Variants in PITPNB observed in about 807,000 individuals in gnomAD.
PITPNB encodes phosphatidylinositol transfer protein beta isoform.
PITPNB carries 16 observed loss-of-function variants against 45.9 expected under a neutral mutation model. The observed-to-expected ratio is 0.35, with a 90% CI of 0.24 to 0.53. The LOEUF is 0.53. PITPNB is among the 20% of genes least tolerant of loss of function. PITPNB has a pLI of 0.93. For missense variants in PITPNB, 188 were observed against 330.5 expected (o/e 0.57, Z 3.34); for synonymous variants, 112 against 108.9 (o/e 1.03, Z -0.18).
chr22:27,900,375 T>C (rs769140047), intron 3 of PITPNB, among the ~76,000 whole-genome samples: 2 of 152,286 alleles, frequency 1.3e-5, no homozygotes, highest in Non-Finnish European at 2.9e-5. Flanking sequence ...TAGAAGGAAA[T>C]TGGCATTTAT....
intron 8 of PITPNB, among the ~76,000 whole-genome samples, chr22:27,871,047 AG>A (rs1491426387): frequency 1.3e-5 from 2 of 151,834 alleles, no homozygotes; most frequent in South Asian, 2.1e-4. Flanking sequence ...TGTTTAACAC[AG>A]GGGGGAAAAT....
At chr22:27,870,765 C>A (rs1934635503) in intron 8 of PITPNB, among the ~76,000 whole-genome samples, 1 of 152,196 alleles carries the variant, frequency 6.6e-6, no homozygotes, top group South Asian at 2.1e-4. Context: ...CTGGTAAGAT[C>A]AAGTCCAAAG....
intron 7 of PITPNB, among the ~76,000 whole-genome samples, chr22:27,875,822 A>G (rs140198032): frequency 6.6e-6 from 1 of 152,320 alleles, no homozygotes; most frequent in East Asian, 1.9e-4. Flanking sequence ...TCTGGCTCCT[A>G]AAGAATCAGT....
At chr22:27,911,206 A>T (rs1935911170) in intron 2 of PITPNB, 97 bp from the exon 3 acceptor site, 2 of 809,832 alleles carry the variant, frequency 2.5e-6, no homozygotes, top group Admixed American at 4.2e-5. Flanking sequence ...ATAGAAAAGC[A>T]TATCCAAACC....
intron 3 of PITPNB, among the ~76,000 whole-genome samples, chr22:27,899,941 G>C (rs939758126): frequency 6.6e-6 from 1 of 152,092 alleles, no homozygotes; most frequent in Non-Finnish European, 1.5e-5. Flanking sequence ...GGTGGCTCAC[G>C]CCTCTAATCC....
intron 3 of PITPNB, among the ~76,000 whole-genome samples, chr22:27,909,414 C>A (rs1485538163): frequency 6.6e-6 from 1 of 151,406 alleles, no homozygotes; most frequent in Non-Finnish European, 1.5e-5. Context: ...GATTAGACTG[C>A]CAAACTTAAG....
intron 3 of PITPNB, chr22:27,898,204 T>A: frequency 3.6e-6 from 1 of 277,144 alleles, no homozygotes; most frequent in East Asian, 9.6e-5. Flanking sequence ...GGTGAAACCC[T>A]GTCTCTACAA....
At chr22:27,877,974 G>A (rs1446178465) in intron 7 of PITPNB, among the ~76,000 whole-genome samples, 2 of 152,170 alleles carry the variant, frequency 1.3e-5, no homozygotes, top group African/African-American at 2.4e-5. Context: ...TGTGGAGAGG[G>A]GGTGTTTTAC....
chr22:27,863,095 T>C (rs1184876416), intron 8 of PITPNB, among the ~76,000 whole-genome samples: 1 of 152,154 alleles, frequency 6.6e-6, no homozygotes, highest in African/African-American at 2.4e-5. Flanking sequence ...TCACTGAAAA[T>C]CCTCATATGC....
chr22:27,919,197 C>G lies in PITPNB; in HGVS notation c.-6G>C. ...AATTCCTTGATCAGCACCATCTTCC[C>G]GGAACCCCCTCACAGCTGCCGCCGA... On this transcript the variant is annotated 5_prime_UTR_variant, in exon 1 of 12. Coordinates refer to ENST00000335272, the MANE Select transcript of PITPNB (RefSeq NM_012399.5). The G allele has an allele frequency of 6.2e-7, 1 of 1,613,406 alleles. No homozygotes were observed. Among genetic ancestry groups the G allele is most frequent in the Non-Finnish European group, 8.5e-7 (1 of 1,179,550 alleles).
chr22:27,911,641 TTA>T (rs956665626), intron 2 of PITPNB, among the ~76,000 whole-genome samples: 5 of 152,274 alleles, frequency 3.3e-5, no homozygotes, highest in Admixed American at 3.3e-4. Flanking sequence ...AGTCCAAATC[TTA>T]GTAGACTTCT....
At chr22:27,865,504 T>A (rs142502222) in intron 8 of PITPNB, among the ~76,000 whole-genome samples, 1 of 152,316 alleles carries the variant, frequency 6.6e-6, no homozygotes, top group African/African-American at 2.4e-5. Context: ...ATCAGCAACA[T>A]GCTAGTGAAG....
chr22:27,880,796 A>G (rs768531125), intron 7 of PITPNB, among the ~76,000 whole-genome samples: 1 of 151,956 alleles, frequency 6.6e-6, no homozygotes. Flanking sequence ...CTAATTTTGT[A>G]TTTTTAGTAG....
Position 27,914,302 on chromosome 22 carries a change from G to T in PITPNB, c.51+15C>A, listed in dbSNP as rs754471649. 3.8e-6 allele frequency: 6 copies of T among 1,564,260 alleles called. No individual in the cohort carries two copies. Among genetic ancestry groups the T allele is most frequent in the Non-Finnish European group, 1.8e-6 (2 of 1,135,726 alleles). ...CATATACCAATAAAATGATGCAGAAGCAAGAAAAACTCACCTCCTGAACAG... is the reference window on the plus strand; with the variant it reads ...CATATACCAATAAAATGATGCAGAATCAAGAAAAACTCACCTCCTGAACAG... On this transcript the variant is annotated intron_variant, in intron 2 of 11. Transcript: ENST00000335272.
At chr22:27,896,720 C>A in intron 5 of PITPNB, 94 bp from the exon 6 acceptor site, 1 of 765,294 alleles carries the variant, frequency 1.3e-6, no homozygotes, top group Non-Finnish European at 2.3e-6. Context: ...GGCATCCATG[C>A]TTTGACTCTA....
chr22:27,872,093 T>TG (rs1410820875), intron 8 of PITPNB, among the ~76,000 whole-genome samples: 1 of 127,308 alleles, frequency 7.9e-6, no homozygotes, highest in Non-Finnish European at 1.6e-5. Flanking sequence ...TTTTTTTTTT[T>TG]TTTTTTTTTT....
intron 8 of PITPNB, among the ~76,000 whole-genome samples, chr22:27,866,521 A>C (rs1452237219): frequency 1.3e-5 from 2 of 152,242 alleles, no homozygotes; most frequent in Non-Finnish European, 2.9e-5. Context: ...AAACAAATAT[A>C]AACAAACGTA....
rs531738659 is a variant in PITPNB, at chr22:27,872,666, A to T, written c.534+1072T>A. ...GTGGGGCTGTAACAGTAATCCTCTT[A>T]TCTGCATGCAACTAGTACCTAGACA... On this transcript the variant is annotated intron_variant, in intron 8 of 11. Coordinates refer to ENST00000335272, the MANE Select transcript of PITPNB (RefSeq NM_012399.5). 3.9e-3 allele frequency among the ~76,000 whole-genome samples: 594 copies of T among 151,814 alleles called. 2 individuals carry two copies. The highest frequency in any genetic ancestry group is 7.7e-3 in the Admixed American group (118 of 15,246).
chr22:27,914,441 A>G (rs1457305142), intron 1 of PITPNB, 94 bp from the exon 2 acceptor site: 1 of 729,752 alleles, frequency 1.4e-6, no homozygotes, highest in East Asian at 2.8e-5. Context: ...CAATGATAAC[A>G]GAGACAGGTC....
Sources: gnomAD v4.1 joint callset for allele counts (sites outside exome capture counted in the v4.1 genomes callset) on GRCh38, gnomAD v4.1.1 for gene constraint, MANE v1.5 for transcripts, NCBI Gene and HGNC (gene_info 2026-07-23, HGNC 2026-07-21) for gene names.